Variants in TSHZ2 observed in about 807,000 individuals in gnomAD.
TSHZ2 encodes teashirt zinc finger homeobox 2.
In TSHZ2, 21 loss-of-function variants were observed where a neutral mutation model predicts 74.4. The observed-to-expected ratio is 0.28, with a 90% CI of 0.20 to 0.41. The LOEUF is 0.41. TSHZ2 is among the 10% of genes least tolerant of loss of function. The pLI, the probability that TSHZ2 is intolerant of heterozygous loss-of-function variation, is 1.00. For synonymous variants in TSHZ2, 540 were observed against 515.3 expected, an observed-to-expected ratio of 1.05 and a Z score of -0.65; for missense variants, 1,244 against 1,293.5, an observed-to-expected ratio of 0.96 and a Z score of 0.59.
At chr20:53,343,315 G>T (rs994306105) in intron 2 of TSHZ2, among the ~76,000 whole-genome samples, 3 of 152,156 alleles carry the variant, frequency 2.0e-5, no homozygotes, top group African/African-American at 7.2e-5. Flanking sequence ...ACTGGGAGTA[G>T]CGAGGCTGGA....
chr20:53,023,306 A>G (rs919814050), intron 1 of TSHZ2, among the ~76,000 whole-genome samples: 6 of 152,190 alleles, frequency 3.9e-5, no homozygotes, highest in African/African-American at 1.4e-4. Flanking sequence ...GATATAATCT[A>G]TAGAGCCTTT....
chr20:53,056,738 G>A (rs1482612809), intron 1 of TSHZ2, among the ~76,000 whole-genome samples: 2 of 152,058 alleles, frequency 1.3e-5, no homozygotes, highest in Non-Finnish European at 2.9e-5. Flanking sequence ...CTCACACTCT[G>A]CCCAATCCCA....
At chr20:53,197,235 T>C (rs1005789479) in intron 1 of TSHZ2, among the ~76,000 whole-genome samples, 1 of 152,258 alleles carries the variant, frequency 6.6e-6, no homozygotes, top group Non-Finnish European at 1.5e-5. Flanking sequence ...AATATGAAAC[T>C]GTCAGCAGTT....
rs55685519 is a variant in TSHZ2, at chr20:53,163,360, C to CTTT, written c.41-90115_41-90113dup. 6.1e-4 allele frequency among the ~76,000 whole-genome samples: 40 copies of CTTT among 65,636 alleles called. 1 individual carries two copies. Among genetic ancestry groups the CTTT allele is most frequent in the African/African-American group, 1.7e-3 (31 of 18,152 alleles). The allele number at this position is 65,636 out of a possible 152,430, so 43.1% of individuals were successfully genotyped here. A position where few individuals can be genotyped will look rare whatever the true frequency, so the allele number is the denominator to read the frequency against. ...TTAAGTGCACGCACGCTCTCTGTCT[C>CTTT]TTTTTTTTTTTTTTTTTTTTTTTTT... On this transcript the variant is annotated intron_variant, in intron 1 of 2. Transcript: ENST00000371497.
At chr20:53,323,830 G>A (rs1383511475) in intron 2 of TSHZ2, among the ~76,000 whole-genome samples, 7 of 152,022 alleles carry the variant, frequency 4.6e-5, no homozygotes, top group African/African-American at 1.2e-4. Flanking sequence ...CACCCGCCCC[G>A]GCCTCCCAAA....
chr20:53,053,510 A>C (rs995813190), intron 1 of TSHZ2, among the ~76,000 whole-genome samples: 1 of 152,074 alleles, frequency 6.6e-6, no homozygotes, highest in Admixed American at 6.6e-5. Context: ...TATTCCCTCC[A>C]AATAAAAAAG....
intron 1 of TSHZ2, among the ~76,000 whole-genome samples, chr20:53,093,410 C>T (rs1403302556): frequency 6.6e-6 from 1 of 152,232 alleles, no homozygotes; most frequent in Non-Finnish European, 1.5e-5. Context: ...TAAAGCCTTT[C>T]CGTGGTTTCC....
chr20:53,219,860 T>C (rs555568572), intron 1 of TSHZ2, among the ~76,000 whole-genome samples: 2 of 152,358 alleles, frequency 1.3e-5, no homozygotes, highest in South Asian at 4.1e-4. Context: ...TGAGTCAAAC[T>C]AAATATGTAT....
chr20:53,114,808 G>GGT (rs140817682), intron 1 of TSHZ2, among the ~76,000 whole-genome samples: 2,251 of 151,154 alleles, frequency 0.015, 29 homozygotes, highest in Non-Finnish European at 0.024. Context: ...TTATGCCTGG[G>GGT]GTGTGTGTGT....
Position 53,253,762 on chromosome 20 carries a change from G to C in TSHZ2, c.304G>C (p.Asp102His). The C allele has an allele frequency of 1.2e-6, 2 of 1,614,200 alleles. No homozygotes were observed. ...VSDIKSVCGR[D>H]ASDKKAHTHV... The stretch of plus-strand genomic sequence containing the variant: ...GGACATCAAGAGTGTCTGCGGCAGA[G>C]ATGCCTCAGACAAGAAAGCACACAC... The change falls in exon 2 of 3, where the codon GAT (aspartate) becomes CAT (histidine). Residue 102 changes from aspartate to histidine, a missense_variant. Around this residue, in one of 6 missense-constraint regions of TSHZ2, gnomAD observed 470 missense variants for 456.5 expected, o/e 1.03. Coordinates refer to ENST00000371497, the MANE Select transcript of TSHZ2 (RefSeq NM_173485.6).
intron 2 of TSHZ2, among the ~76,000 whole-genome samples, chr20:53,317,757 T>G (rs1467964919): frequency 6.6e-6 from 1 of 152,176 alleles, no homozygotes; most frequent in African/African-American, 2.4e-5. Context: ...CCTTTATCAT[T>G]CAAAGGACAT....
At chr20:53,311,102 A>C (rs1318270304) in intron 2 of TSHZ2, among the ~76,000 whole-genome samples, 1 of 152,256 alleles carries the variant, frequency 6.6e-6, no homozygotes, top group East Asian at 1.9e-4. Context: ...GCTAAAAGTA[A>C]GAATTATAGC....
intron 1 of TSHZ2, among the ~76,000 whole-genome samples, chr20:53,053,405 G>T (rs1229574942): frequency 6.6e-6 from 1 of 152,056 alleles, no homozygotes; most frequent in Non-Finnish European, 1.5e-5. Context: ...TCTACCAAAT[G>T]TGCTTAGGTT....
intron 2 of TSHZ2, among the ~76,000 whole-genome samples, chr20:53,271,922 CAG>C (rs772737082): frequency 4.6e-5 from 7 of 152,128 alleles, no homozygotes; most frequent in Non-Finnish European, 1.0e-4. Context: ...ATCATAGAGA[CAG>C]ATATTCAATT....
intron 1 of TSHZ2, among the ~76,000 whole-genome samples, chr20:53,092,219 A>G (rs1453879621): frequency 6.6e-6 from 1 of 152,026 alleles, no homozygotes; most frequent in South Asian, 2.1e-4. Context: ...TTATAGCCCT[A>G]TACGAGAGAC....
chr20:53,274,371 A>G (rs184846251), intron 2 of TSHZ2, among the ~76,000 whole-genome samples: 1 of 152,300 alleles, frequency 6.6e-6, no homozygotes, highest in African/African-American at 2.4e-5. Context: ...CTATTTTTCA[A>G]TCCTAATTTC....
chr20:53,330,115 G>A (rs1431839462), intron 2 of TSHZ2, among the ~76,000 whole-genome samples: 1 of 152,142 alleles, frequency 6.6e-6, no homozygotes, highest in Non-Finnish European at 1.5e-5. Context: ...CCCCTTTCCA[G>A]AATAAGTTTG....
At chr20:53,484,382 CTTTTTT>C (rs10610067) in intron 2 of TSHZ2, among the ~76,000 whole-genome samples, 1 of 98,834 alleles carries the variant, frequency 1.0e-5, no homozygotes, top group Non-Finnish European at 2.1e-5. Context: ...TTATCTCTCT[CTTTTTT>C]TTTTTTTTTT....
chr20:53,051,657 C>A (rs1568737243), intron 1 of TSHZ2, among the ~76,000 whole-genome samples: 1 of 152,086 alleles, frequency 6.6e-6, no homozygotes, highest in Admixed American at 6.5e-5. Flanking sequence ...TGCCACCTGG[C>A]AAAAATCATT....
Sources: gnomAD v4.1 joint callset for allele counts (sites outside exome capture counted in the v4.1 genomes callset) on GRCh38, gnomAD v4.1.1 for gene constraint, gnomAD v4.1.1 regional missense constraint, MANE v1.5 for transcripts, NCBI Gene and HGNC (gene_info 2026-07-23, HGNC 2026-07-21) for gene names.